Variants in LAMA5 observed in about 807,000 individuals in gnomAD.
LAMA5 encodes the protein laminin subunit alpha-5.
A neutral mutation model predicts 433.4 loss-of-function variants in LAMA5; 260 were observed. That is an observed-to-expected ratio of 0.60 (90% CI 0.54 to 0.66). The LOEUF (loss-of-function observed/expected upper bound fraction) is 0.66, where lower values mean the gene tolerates loss of function less well. LAMA5 is among the 30% of genes least tolerant of loss of function. The pLI is 0.00. For missense variants in LAMA5, 5,378 were observed against 5,258.5 expected (o/e 1.02, Z -0.70); for synonymous variants, 2,620 against 2,226.6 (o/e 1.18, Z -4.97).
Position 62,309,411 on chromosome 20 carries a change from G to A in LAMA5, c.11013C>T (p.Asn3671=). Residue 3671 remains asparagine (N), a synonymous_variant, in exon 80 of 80, where the codon AAC becomes AAT. Transcript: ENST00000252999. ...YCGCMRRLAV[N]RSPVAMTRSV... is the part of the protein sequence containing the mutation. ...AGCGAGTCATGGCGACGGGGGACCG[G>A]TTCACCGCCAGCCTCCTCATGCAGC... is the stretch of plus-strand genomic sequence containing the variant. 1 of 1,585,426 alleles carries A rather than the reference G, an allele frequency of 6.3e-7. No homozygotes were observed. The highest frequency in any genetic ancestry group is 8.5e-7 in the Non-Finnish European group (1 of 1,174,638).
Position 62,316,040 on chromosome 20 carries a change from C to T in LAMA5, c.7775G>A (p.Gly2592Asp). The T allele has an allele frequency of 6.2e-7, 1 of 1,608,576 alleles. No homozygotes were observed. ...RLGLVWAALQGARTQLRDVRA... is the reference protein window; with the variant it reads ...RLGLVWAALQDARTQLRDVRA... ...GACATCTCGGAGCTGGGTCCTGGCACCCTGGAGGGCAGCCCACACTGCGGG... is the reference window on the plus strand; with the variant it reads ...GACATCTCGGAGCTGGGTCCTGGCATCCTGGAGGGCAGCCCACACTGCGGG... The change falls in exon 58 of 80, where the codon GGT becomes GAT. Residue 2592 changes from glycine (G) to aspartate (D), a missense_variant. Transcript: ENST00000252999.
At chr20:62,319,497 G>C (rs995482505) in intron 51 of LAMA5, among the ~76,000 whole-genome samples, 187 bp downstream of exon 51, 3 of 152,170 alleles carry the variant, frequency 2.0e-5, no homozygotes, top group South Asian at 2.1e-4. Context: ...GGGGCCACCT[G>C]TCTGGCCACA....
chr20:62,332,257 C>A, intron 28 of LAMA5, 115 bp downstream of exon 28: 1 of 726,016 alleles, frequency 1.4e-6, no homozygotes, highest in African/African-American at 1.7e-5. Context: ...TGGGCATGAG[C>A]GAGTGTGGCC....
rs765638648 is a variant in LAMA5 at position 62,317,484 on chromosome 20, CGAG to C, written c.7369_7371del (p.Leu2457del). 1 of 1,547,858 alleles carries C rather than the reference CGAG, an allele frequency of 6.5e-7. No individual in the cohort carries two copies. The highest frequency in any genetic ancestry group is 1.2e-5 in the South Asian group (1 of 82,040). Reference sequence around the variant, plus strand: ...GTCCGAGCCCCATCCAGGCTGGCGGCGAGGCGCTCCAGCTCCTGGAATTTGAGT... The same window carrying C: ...GTCCGAGCCCCATCCAGGCTGGCGGCGCGCTCCAGCTCCTGGAATTTGAGT... On this transcript the variant is annotated inframe_deletion, in exon 55 of 80. Transcript: ENST00000252999.
At chr20:62,344,654 G>A (rs2146271252) in intron 11 of LAMA5, among the ~76,000 whole-genome samples, 1 of 152,072 alleles carries the variant, frequency 6.6e-6, no homozygotes, top group African/African-American at 2.4e-5. Context: ...TCACCATGTT[G>A]GCCAGGCTGG....
At chr20:62,333,842 G>GTGGGT in intron 23 of LAMA5, 59 bp downstream of exon 23, 1 of 1,462,886 alleles carries the variant, frequency 6.8e-7, no homozygotes, top group South Asian at 1.3e-5. Context: ...TGGGAGTGGG[G>GTGGGT]TGGGGTGGGG....
At chr20:62,345,517 C>T (rs1325672117) in intron 11 of LAMA5, 1 of 501,508 alleles carries the variant, frequency 2.0e-6, no homozygotes, top group Non-Finnish European at 3.7e-6. Flanking sequence ...AGCAATCCTT[C>T]CACCTCAGCC....
chr20:62,329,927 G>A lies in LAMA5; in HGVS notation c.3980-11C>T. 6.2e-7 allele frequency: 1 copy of A among 1,609,728 alleles called. No individual in the cohort carries two copies. The highest frequency in any genetic ancestry group is 1.3e-5 in the African/African-American group (1 of 75,010). On this transcript the variant is annotated splice_polypyrimidine_tract_variant and intron_variant, in intron 31 of 79. Coordinates refer to ENST00000252999, the MANE Select transcript of LAMA5 (RefSeq NM_005560.6). The stretch of plus-strand genomic sequence containing the variant: ...TGGCGTTGGCGTGGCCTGGGCGGGG[G>A]AGAAAGGCAGGGTCAGGCCCCCATC...
chr20:62,336,526 A>G, intron 17 of LAMA5, 81 bp from the exon 18 acceptor site: 1 of 1,291,364 alleles, frequency 7.7e-7, no homozygotes, highest in Non-Finnish European at 1.1e-6. Context: ...AGCCCTGACA[A>G]GGGGTGGTGA....
chr20:62,334,060 G>A (rs766532755), intron 22 of LAMA5, 21 bp from the exon 23 acceptor site: 20 of 1,604,146 alleles, frequency 1.2e-5, no homozygotes, highest in Middle Eastern at 1.7e-4. Context: ...ATGGAGCGTC[G>A]GGTCACTCTC....
At position 62,347,048 on chromosome 20, in the gene LAMA5, G is replaced by A; in HGVS notation, c.957-20C>T. ...TGCAGCCTGTGGGGTACACAGGAGGGGGGATCAGGCCCATCCTGGAGGCAG... is the reference window on the plus strand; with the variant it reads ...TGCAGCCTGTGGGGTACACAGGAGGAGGGATCAGGCCCATCCTGGAGGCAG... On this transcript the variant is annotated intron_variant, in intron 6 of 79. Transcript: ENST00000252999. 1 of 1,595,840 alleles carries A rather than the reference G, an allele frequency of 6.3e-7. No individual in the cohort carries two copies. Among genetic ancestry groups the A allele is most frequent in the Non-Finnish European group, 8.6e-7 (1 of 1,167,462 alleles).
intron 11 of LAMA5, chr20:62,342,369 G>A (rs1601384967): frequency 9.9e-6 from 3 of 303,084 alleles, no homozygotes; most frequent in South Asian, 7.2e-5. Context: ...CTTAATTTAA[G>A]ATCTCTGTTG....
Position 62,318,525 on chromosome 20 carries a change from G to A in LAMA5, c.7168C>T (p.Arg2390Trp), listed in dbSNP as rs760136208. 107 of 1,609,658 alleles carry A rather than the reference G, an allele frequency of 6.6e-5. 1 individual carries two copies. The highest frequency in any genetic ancestry group is 1.7e-4 in the Middle Eastern group (1 of 6,052). ...GLMDLREALNRAVDATREAQE... is the reference protein window; with the variant it reads ...GLMDLREALNWAVDATREAQE... ...GCCTCCCGTGTGGCGTCCACTGCCC[G>A]GTTCAAAGCCTCTCGCAGGTCCATG... The change falls in exon 53 of 80, where the codon CGG (arginine) becomes TGG (tryptophan). Residue 2390 changes from arginine to tryptophan, a missense_variant. Physicochemically the swap from Arg to Trp is moderately radical, Grantham distance 101 (BLOSUM62 -3). Transcript: ENST00000252999.
At chr20:62,342,019 C>T (rs984598456) in intron 11 of LAMA5, among the ~76,000 whole-genome samples, 21 of 152,052 alleles carry the variant, frequency 1.4e-4, no homozygotes, top group Non-Finnish European at 2.6e-4. Context: ...AGGAAGAAAA[C>T]TGGCCAGGCG....
intron 21 of LAMA5, 30 bp downstream of exon 21, chr20:62,334,492 C>T: frequency 6.5e-7 from 1 of 1,537,402 alleles, no homozygotes; most frequent in Non-Finnish European, 8.8e-7. Flanking sequence ...TGCCCCGCTC[C>T]CCACCACCCA....
At chr20:62,331,386 C>T (rs79731714) in intron 28 of LAMA5, among the ~76,000 whole-genome samples, 2,004 of 151,920 alleles carry the variant, frequency 0.013, 56 homozygotes, top group African/African-American at 0.045. Context: ...GGCGTCCGAC[C>T]GAGCCCTGCT....
rs1413646476 is a variant in LAMA5 at position 62,333,958 on chromosome 20, T to C, written c.2821A>G (p.Ser941Gly). ...CGCACAGAGACCCGCCCGCTCACAC[T>C]CATGGCCCCCCGGTTGACGTATCGG... ...VFRYVNRGAMSVSGRVSVREE... is the reference protein window; with the variant it reads ...VFRYVNRGAMGVSGRVSVREE... The change falls in exon 23 of 80, where the codon AGT becomes GGT. Residue 941 changes from serine to glycine, a missense_variant. By Grantham distance (56) the Ser-to-Gly change is moderately conservative. Coordinates refer to ENST00000252999, the MANE Select transcript of LAMA5 (RefSeq NM_005560.6). The C allele has an allele frequency of 6.2e-7, 1 of 1,612,650 alleles. No homozygotes were observed. Among genetic ancestry groups the C allele is most frequent in the Non-Finnish European group, 8.5e-7 (1 of 1,179,780 alleles).
chr20:62,358,702 A>G (rs1985606977), intron 2 of LAMA5, among the ~76,000 whole-genome samples: 1 of 152,142 alleles, frequency 6.6e-6, no homozygotes, highest in Non-Finnish European at 1.5e-5. Flanking sequence ...GGCCAACCCC[A>G]CAGTCCTCCA....
chr20:62,312,887 C>A lies in LAMA5; in HGVS notation c.9078+1G>T. 1 of 1,589,628 alleles carries A rather than the reference C, an allele frequency of 6.3e-7. No individual in the cohort carries two copies. The highest frequency in any genetic ancestry group is 8.6e-7 in the Non-Finnish European group (1 of 1,166,360). ...CACCCTGGTCCCCACCCTGGCCCTA[C>A]CGCCTTGCTGGCCGAGGTCAGGGGC... On this transcript the variant is annotated splice_donor_variant, in intron 66 of 79. Transcript: ENST00000252999. LOFTEE classifies it high-confidence loss of function.
Sources: allele counts gnomAD v4.1 joint callset (sites outside exome capture counted in the v4.1 genomes callset), GRCh38; gene constraint gnomAD v4.1.1; transcripts MANE v1.5; gene names NCBI Gene and HGNC (gene_info 2026-07-23, HGNC 2026-07-21).